The following CHD9 variants were observed in gnomAD, a reference collection of about 807,000 sequenced individuals.
CHD9 encodes ATP-dependent chromatin remodeler CHD9.
Under a neutral mutation model 316.1 loss-of-function variants are expected in CHD9, and 77 were observed. The ratio of observed to expected loss-of-function variants is 0.24; its 90% confidence interval spans 0.20 to 0.29. The LOEUF (loss-of-function observed/expected upper bound fraction) is 0.29, where lower values mean the gene tolerates loss of function less well. CHD9 is among the 10% of genes least tolerant of loss of function. CHD9 has a pLI of 1.00. For missense variants in CHD9, 2,763 were observed against 3,438.1 expected, an observed-to-expected ratio of 0.80 and a Z score of 4.91; for synonymous variants, 1,129 against 1,158.3, an observed-to-expected ratio of 0.97 and a Z score of 0.51.
At chr16:53,171,830 C>CCACA (rs71380026) in intron 2 of CHD9, among the ~76,000 whole-genome samples, 22 of 135,542 alleles carry the variant, frequency 1.6e-4, no homozygotes, top group African/African-American at 5.3e-4. Flanking sequence ...ACAAACAAAA[C>CCACA]CACACACACA....
rs1383462839 is a variant in CHD9, at chr16:53,214,360, A to G, written c.1784+4547A>G. On this transcript the variant is annotated intron_variant, in intron 3 of 38. Coordinates refer to ENST00000447540, the MANE Select transcript of CHD9 (RefSeq NM_001308319.2). ...AGTGACGTATGAAGCCCTGCTTGCAAGGTTTTCAAAATAATAGGAATTTTG... is the reference window on the plus strand; with the variant it reads ...AGTGACGTATGAAGCCCTGCTTGCAGGGTTTTCAAAATAATAGGAATTTTG... 2.0e-5 allele frequency among the ~76,000 whole-genome samples: 3 copies of G among 152,320 alleles called. No homozygotes were observed. In the East Asian group the frequency reaches 5.8e-4, roughly 29 times the overall value.
At chr16:53,066,349 C>T (rs186758168) in intron 1 of CHD9, among the ~76,000 whole-genome samples, 538 of 152,292 alleles carry the variant, frequency 3.5e-3, no homozygotes, top group Non-Finnish European at 6.4e-3. Flanking sequence ...TGCTTTTTAA[C>T]ATTGGTTATG....
At chr16:53,098,727 A>C (rs780752388) in intron 1 of CHD9, among the ~76,000 whole-genome samples, 8 of 152,154 alleles carry the variant, frequency 5.3e-5, no homozygotes, top group Non-Finnish European at 1.2e-4. Context: ...TTTTCTAGCA[A>C]TCTACATGAC....
intron 2 of CHD9, chr16:53,168,461 T>G (rs1275492036): frequency 6.6e-6 from 1 of 152,182 alleles, no homozygotes; most frequent in Non-Finnish European, 1.5e-5. Flanking sequence ...GTTGGTATTA[T>G]TTCATGGAAT....
At chr16:53,228,091 A>C (rs1307017387) in intron 7 of CHD9, among the ~76,000 whole-genome samples, 2 of 152,280 alleles carry the variant, frequency 1.3e-5, no homozygotes, top group Middle Eastern at 6.8e-3. Flanking sequence ...TCTCAAAAAA[A>C]AAAAAATTAA....
chr16:53,293,121 G>A, intron 29 of CHD9, 69 bp downstream of exon 29: 4 of 1,365,190 alleles, frequency 2.9e-6, no homozygotes, highest in Non-Finnish European at 4.1e-6. Context: ...GCCTGTCTGG[G>A]TACAATTATC....
At chr16:53,162,199 G>A (rs1200878139) in intron 2 of CHD9, among the ~76,000 whole-genome samples, 4 of 152,164 alleles carry the variant, frequency 2.6e-5, no homozygotes, top group Non-Finnish European at 5.9e-5. Flanking sequence ...AGAAAAGAGA[G>A]AGGAGCCAGG....
Position 53,171,857 on chromosome 16 carries a change from CACAG to C in CHD9, c.1452+14320_1452+14323del, listed in dbSNP as rs1393297494. Among the ~76,000 whole-genome samples, 452 of 55,032 alleles carry C rather than the reference CACAG, an allele frequency of 8.2e-3. 1 individual carries two copies. Among genetic ancestry groups the C allele is most frequent in the East Asian group, 0.02 (45 of 2,280 alleles). The allele number at this position is 55,032 out of a possible 152,430, so 36.1% of individuals were successfully genotyped here. A position where few individuals can be genotyped will look rare whatever the true frequency, so the allele number is the denominator to read the frequency against. ...ACACACACACACACACACACACACA[CACAG>C]ACACACACACACACACACACACACA... On this transcript the variant is annotated intron_variant, in intron 2 of 38. Coordinates refer to ENST00000447540, the MANE Select transcript of CHD9 (RefSeq NM_001308319.2).
intron 3 of CHD9, among the ~76,000 whole-genome samples, chr16:53,210,853 G>A (rs572317404): frequency 2.0e-4 from 30 of 152,172 alleles, no homozygotes; most frequent in African/African-American, 7.0e-4. Flanking sequence ...AGGTCCAAAC[G>A]ATTAAATAAT....
chr16:53,111,317 T>G (rs41338948), intron 1 of CHD9, among the ~76,000 whole-genome samples: 5,257 of 152,290 alleles, frequency 0.035, 296 homozygotes, highest in African/African-American at 0.12. Context: ...GGAGGGCAGC[T>G]GAGCCTTTGT....
At chr16:53,104,167 G>A (rs1202880351) in intron 1 of CHD9, among the ~76,000 whole-genome samples, 2 of 152,228 alleles carry the variant, frequency 1.3e-5, no homozygotes, top group African/African-American at 2.4e-5. Flanking sequence ...GGAAAAGGGT[G>A]AACTCTGACA....
At chr16:53,302,266 C>T (rs2055513542) in intron 30 of CHD9, among the ~76,000 whole-genome samples, 1 of 152,184 alleles carries the variant, frequency 6.6e-6, no homozygotes, top group African/African-American at 2.4e-5. Context: ...AACAGGTTCT[C>T]AGCTGTTCCT....
Position 53,216,859 on chromosome 16 carries a change from G to T in CHD9, c.1785-5785G>T, listed in dbSNP as rs73597675. On this transcript the variant is annotated intron_variant, in intron 3 of 38. Coordinates refer to ENST00000447540, the MANE Select transcript of CHD9 (RefSeq NM_001308319.2). ...GTTTGGGACCCACAAAACTGGATGG[G>T]TTATTTTTTTCTTACTTTTATTTTG... Among the ~76,000 whole-genome samples, 150 of 152,144 alleles carry T rather than the reference G, an allele frequency of 9.9e-4. No homozygotes were observed. In the East Asian group the frequency reaches 0.026, roughly 27 times the overall value.
chr16:53,318,649 C>T (rs528921889), intron 37 of CHD9, among the ~76,000 whole-genome samples: 1 of 152,168 alleles, frequency 6.6e-6, no homozygotes, highest in Non-Finnish European at 1.5e-5. Flanking sequence ...GTGATTTCAC[C>T]TCTCAAGGAA....
chr16:53,129,726 C>G (rs1354781440), intron 1 of CHD9, among the ~76,000 whole-genome samples: 1 of 152,204 alleles, frequency 6.6e-6, no homozygotes, highest in Non-Finnish European at 1.5e-5. Context: ...AGTAGGCCGA[C>G]CGAAGTTCAA....
intron 1 of CHD9, among the ~76,000 whole-genome samples, chr16:53,109,707 T>C (rs1447549708): frequency 1.7e-5 from 2 of 118,124 alleles, no homozygotes; most frequent in African/African-American, 6.1e-5. Flanking sequence ...TTTTTTGAGA[T>C]GGAGTCTCGC....
At chr16:53,076,436 A>G (rs2034533997) in intron 1 of CHD9, among the ~76,000 whole-genome samples, 1 of 152,080 alleles carries the variant, frequency 6.6e-6, no homozygotes, top group Admixed American at 6.6e-5. Context: ...TTAGTCAGGC[A>G]TGGTGGCAGG....
chr16:53,288,106 A>G (rs757760057), intron 27 of CHD9, 92 bp downstream of exon 27: 5 of 911,378 alleles, frequency 5.5e-6, no homozygotes, highest in African/African-American at 1.7e-5. Context: ...TTTTGTTTTC[A>G]TTATACATAA....
intron 2 of CHD9, among the ~76,000 whole-genome samples, chr16:53,196,690 G>A (rs925903804): frequency 4.4e-4 from 67 of 152,168 alleles, no homozygotes; most frequent in African/African-American, 1.2e-3. Flanking sequence ...ACAAGTACTT[G>A]TTAAATGAAT....
Sources: gnomAD v4.1 joint callset for allele counts (sites outside exome capture counted in the v4.1 genomes callset) on GRCh38, gnomAD v4.1.1 for gene constraint, MANE v1.5 for transcripts, NCBI Gene and HGNC (gene_info 2026-07-23, HGNC 2026-07-21) for gene names.